Variants in CRYBG3 observed in about 807,000 individuals in gnomAD.
The protein encoded by CRYBG3 is very large A-kinase anchor protein.
CRYBG3 carries 127 observed loss-of-function variants against 244.2 expected under a neutral mutation model. The observed-to-expected ratio is 0.52, with a 90% confidence interval of 0.45 to 0.60. The LOEUF is 0.60. Among genes scored for constraint, CRYBG3 ranks in the 20% least tolerant of loss-of-function variants. The pLI, the probability that CRYBG3 is intolerant of heterozygous loss-of-function variation, is 0.00. For missense variants in CRYBG3, 3,325 were observed against 3,442.5 expected (o/e 0.97, Z 0.85); for synonymous variants, 1,132 against 1,195.8 (o/e 0.95, Z 1.10).
Position 97,873,334 on chromosome 3 carries a change from A to G in CRYBG3, c.2140A>G (p.Arg714Gly). ...GAAAAACCATGTTGAGGCTGCAGGC[A>G]GGAAGAGTCCTCCTCCTTCCTTTTG... is the stretch of plus-strand genomic sequence containing the variant. ...NVKNHVEAAG[R>G]KSPPPSFCLE... The change falls in exon 4 of 22, where the codon AGG becomes GGG. Residue 714 changes from arginine to glycine, a missense_variant. Around this residue, in one of 4 missense-constraint regions of CRYBG3, gnomAD observed 1,526 missense variants for 1,443.2 expected, o/e 1.06. Transcript: ENST00000389622. The G allele has an allele frequency of 6.5e-7, 1 of 1,535,982 alleles. No individual in the cohort carries two copies. The highest frequency in any genetic ancestry group is 1.4e-5 in the African/African-American group (1 of 73,172).
chr3:97,823,566 C>G (rs775914727), intron 1 of CRYBG3, among the ~76,000 whole-genome samples: 2 of 152,202 alleles, frequency 1.3e-5, no homozygotes, highest in Non-Finnish European at 2.9e-5. Context: ...TATTATTGCT[C>G]TGACTGTTGA....
chr3:97,850,260 T>C (rs2108182878), intron 2 of CRYBG3, among the ~76,000 whole-genome samples: 1 of 152,280 alleles, frequency 6.6e-6, no homozygotes, highest in Admixed American at 6.5e-5. Flanking sequence ...TAACTCATAC[T>C]TTTCTTATTT....
At position 97,940,874 on chromosome 3, in the gene CRYBG3, C is replaced by T. The variant is rs1396907206; in HGVS notation, c.8506-274C>T. On this transcript the variant is annotated intron_variant, in intron 19 of 21. Coordinates refer to ENST00000389622, the MANE Select transcript of CRYBG3 (RefSeq NM_153605.4). Reference sequence around the variant, plus strand: ...TAATTCTTTACCACCCCACTCCTCACCACATGGAATTCTAGTGAAAGAAAC... The same window carrying T: ...TAATTCTTTACCACCCCACTCCTCATCACATGGAATTCTAGTGAAAGAAAC... Among the ~76,000 whole-genome samples the T allele has an allele frequency of 2.0e-5, 3 of 151,926 alleles. No individual in the cohort carries two copies. The East Asian group carries it at 5.8e-4, about 29-fold the overall frequency.
chr3:97,858,172 T>C (rs2039093120), intron 2 of CRYBG3, among the ~76,000 whole-genome samples: 2 of 151,890 alleles, frequency 1.3e-5, no homozygotes, highest in East Asian at 1.9e-4. Flanking sequence ...TGAGTTTTTT[T>C]TTTTTTTTCT....
intron 2 of CRYBG3, among the ~76,000 whole-genome samples, chr3:97,853,148 A>G (rs112576301): frequency 0.077 from 11,570 of 151,156 alleles, 1,460 homozygotes; most frequent in African/African-American, 0.27. Flanking sequence ...GTAGTCTTTT[A>G]TCCCTCATTC....
intron 17 of CRYBG3, among the ~76,000 whole-genome samples, chr3:97,918,862 A>T (rs2039954656): frequency 6.6e-6 from 1 of 152,130 alleles, no homozygotes; most frequent in South Asian, 2.1e-4. Flanking sequence ...ACAGAGTCAC[A>T]TTTGAAGCTT....
intron 12 of CRYBG3, 38 bp downstream of exon 12, chr3:97,896,123 A>C (rs771911148): frequency 6.4e-7 from 1 of 1,565,998 alleles, no homozygotes; most frequent in African/African-American, 1.4e-5. Context: ...TCTACCTTTT[A>C]AAAAATCTGT....
chr3:97,912,390 C>T, intron 16 of CRYBG3, 114 bp downstream of exon 16: 1 of 485,018 alleles, frequency 2.1e-6, no homozygotes. Context: ...CTTCAACAGG[C>T]ATTTTACCTG....
chr3:97,889,543 G>T (rs560198590), intron 10 of CRYBG3, among the ~76,000 whole-genome samples, 153 bp downstream of exon 10: 1 of 152,260 alleles, frequency 6.6e-6, no homozygotes, highest in East Asian at 1.9e-4. Context: ...TGCACAAAAT[G>T]TTTGATGAGG....
chr3:97,826,381 C>T (rs1018550545), intron 1 of CRYBG3, among the ~76,000 whole-genome samples: 1 of 152,156 alleles, frequency 6.6e-6, no homozygotes, highest in Non-Finnish European at 1.5e-5. Flanking sequence ...GAACTTCTAA[C>T]TTTATTGACA....
At chr3:97,831,519 A>G (rs2316966) in intron 1 of CRYBG3, among the ~76,000 whole-genome samples, 33,271 of 152,010 alleles carry the variant, frequency 0.22, 4,139 homozygotes, top group Middle Eastern at 0.3. Flanking sequence ...TCAAAGTGCC[A>G]TATTTTGGGG....
At position 97,898,792 on chromosome 3, in the gene CRYBG3, A is replaced by G. The variant is rs937649852; in HGVS notation, c.7702-91A>G. On this transcript the variant is annotated intron_variant, in intron 12 of 21. Coordinates refer to ENST00000389622, the MANE Select transcript of CRYBG3 (RefSeq NM_153605.4). The stretch of plus-strand genomic sequence containing the variant: ...TCCTGGAGTTATTTGTGTAAAAATT[A>G]CCCCATCAGTATGTGATATTTTGCT... The G allele has an allele frequency of 2.2e-5, 18 of 820,866 alleles. 1 individual carries two copies. In the African/African-American group the frequency reaches 2.8e-4, roughly 13 times the overall value. 50.8% of individuals were successfully genotyped at this position (820,866 alleles called of 1,614,324 possible). A position where few individuals can be genotyped will look rare whatever the true frequency, so the allele number is the denominator to read the frequency against.
At chr3:97,880,140 A>C (rs1381891457) in intron 6 of CRYBG3, 40 bp downstream of exon 6, 2 of 1,012,126 alleles carry the variant, frequency 2.0e-6, no homozygotes, top group East Asian at 4.9e-5. Context: ...ATTTTCTTAA[A>C]TTAAATGTGT....
intron 2 of CRYBG3, among the ~76,000 whole-genome samples, chr3:97,850,041 C>T (rs1480398665): frequency 6.6e-6 from 1 of 152,108 alleles, no homozygotes; most frequent in African/African-American, 2.4e-5. Flanking sequence ...TGCTATTTCA[C>T]GGACCTCTCC....
intron 15 of CRYBG3, among the ~76,000 whole-genome samples, chr3:97,902,971 G>C (rs935747949): frequency 1.3e-5 from 2 of 152,146 alleles, no homozygotes; most frequent in Non-Finnish European, 2.9e-5. Context: ...TTAGTTTTCA[G>C]AGGAGGTTGT....
At chr3:97,928,254 G>T (rs1238409356) in intron 17 of CRYBG3, among the ~76,000 whole-genome samples, 1 of 152,002 alleles carries the variant, frequency 6.6e-6, no homozygotes, top group Non-Finnish European at 1.5e-5. Context: ...GTTCTTTGCA[G>T]CAACATGGAT....
At chr3:97,908,660 T>C (rs1349376554) in intron 15 of CRYBG3, among the ~76,000 whole-genome samples, 4 of 152,216 alleles carry the variant, frequency 2.6e-5, no homozygotes, top group South Asian at 4.1e-4. Flanking sequence ...TGAGATGGGT[T>C]TCCTGAATAC....
intron 1 of CRYBG3, among the ~76,000 whole-genome samples, chr3:97,837,796 C>G (rs887128296): frequency 6.6e-6 from 1 of 152,130 alleles, no homozygotes; most frequent in Non-Finnish European, 1.5e-5. Context: ...TTCATAGACT[C>G]TGGCATCCAT....
Position 97,875,173 on chromosome 3 carries a change from GA to G in CRYBG3, c.3980del (p.Asp1327ValfsTer18). 5 of 1,535,326 alleles carry G rather than the reference GA, an allele frequency of 3.3e-6. No homozygotes were observed. Among genetic ancestry groups the G allele is most frequent in the Non-Finnish European group, 4.4e-6 (5 of 1,146,380 alleles). On this transcript the variant is annotated frameshift_variant, in exon 4 of 22. Coordinates refer to ENST00000389622, the MANE Select transcript of CRYBG3 (RefSeq NM_153605.4). LOFTEE classifies it high-confidence loss of function. ...AAAATTGAGAAATGATACTTTTGAA[GA>G]TACTGAGGATACTTGGGATTCTGAA... ...QEKLRNDTFE[D>X]TEDTWDSELQ... is the part of the protein sequence containing the mutation.
Sources: gnomAD v4.1 joint callset for allele counts (sites outside exome capture counted in the v4.1 genomes callset) on GRCh38, gnomAD v4.1.1 for gene constraint, gnomAD v4.1.1 regional missense constraint, MANE v1.5 for transcripts, NCBI Gene and HGNC (gene_info 2026-07-23, HGNC 2026-07-21) for gene names.